The following ZNF544 variants were observed in gnomAD, a reference collection of about 807,000 sequenced individuals.
The protein encoded by ZNF544 is zinc finger protein AF020591.
Under a neutral mutation model 13.5 loss-of-function variants are expected in ZNF544, and 10 were observed. The ratio of observed to expected loss-of-function variants is 0.74; its 90% confidence interval spans 0.46 to 1.25. The LOEUF (loss-of-function observed/expected upper bound fraction) is 1.25, where lower values mean the gene tolerates loss of function less well. ZNF544 is among the 50% of genes most tolerant of loss of function. ZNF544 has a pLI of 0.00. For synonymous variants in ZNF544, 323 were observed against 300.5 expected (o/e 1.07, Z -0.77); for missense variants, 896 against 845.6 (o/e 1.06, Z -0.74).
rs144328660 is a variant in ZNF544, at chr19:58,232,449, C to T, written c.-60+1987C>T. On this transcript the variant is annotated intron_variant, in intron 3 of 6. Coordinates refer to ENST00000687789, the MANE Select transcript of ZNF544 (RefSeq NM_014480.4). The stretch of plus-strand genomic sequence containing the variant: ...TCACTGCAGCCTTGACCTCCCGGCT[C>T]AAGTGATCCTCCCACCTCAGCCTTC... Among the ~76,000 whole-genome samples, 920 of 147,314 alleles carry T rather than the reference C, an allele frequency of 6.2e-3. 3 individuals are homozygous for T. Among genetic ancestry groups the T allele is most frequent in the African/African-American group, 0.022 (870 of 39,876 alleles).
intron 6 of ZNF544, among the ~76,000 whole-genome samples, chr19:58,255,748 C>T (rs1198672862): frequency 6.6e-6 from 1 of 152,226 alleles, no homozygotes; most frequent in East Asian, 1.9e-4. Flanking sequence ...TGAGTTCGCC[C>T]TGGATGAGCT....
In ZNF544 at chr19:58,246,381, G is replaced by A. The variant is rs2045222258; in HGVS notation, c.114G>A (p.Leu38=). Residue 38 remains leucine (L), a synonymous_variant, in exon 5 of 7, where the codon CTG becomes CTA. Coordinates refer to ENST00000687789, the MANE Select transcript of ZNF544 (RefSeq NM_014480.4). ...WEQLDLAQRT[L]YREVTLETWE... ...AGCTGGACCTGGCCCAGAGGACACT[G>A]TACCGAGAGGTGACACTGGAGACCT... 1.2e-6 allele frequency: 2 copies of A among 1,614,136 alleles called. No homozygotes were observed. The highest frequency in any genetic ancestry group is 1.6e-4 in the Middle Eastern group (1 of 6,062).
downstream of ZNF544, among the ~76,000 whole-genome samples, chr19:58,268,429 G>C (rs2050209935): frequency 6.6e-6 from 1 of 152,188 alleles, no homozygotes; most frequent in Non-Finnish European, 1.5e-5. Flanking sequence ...GTGAGAAACA[G>C]AATGCTTGTT....
In ZNF544 at chr19:58,261,808, C is replaced by G. The variant is rs1416573401; in HGVS notation, c.1202C>G (p.Thr401Arg). The G allele has an allele frequency of 6.2e-7, 1 of 1,613,812 alleles. No homozygotes were observed. The highest frequency in any genetic ancestry group is 8.5e-7 in the Non-Finnish European group (1 of 1,179,964). ...QSYDLVIHQRTHTGEKPYECD... is the reference protein window; with the variant it reads ...QSYDLVIHQRRHTGEKPYECD... ...TATGACCTTGTCATACATCAGAGGA[C>G]ACACACTGGAGAGAAGCCCTATGAG... is the stretch of plus-strand genomic sequence containing the variant. Residue 401 changes from threonine to arginine, a missense_variant, in exon 7 of 7, where the codon ACA becomes AGA. Coordinates refer to ENST00000687789, the MANE Select transcript of ZNF544 (RefSeq NM_014480.4).
intron 6 of ZNF544, among the ~76,000 whole-genome samples, chr19:58,256,358 CTTAA>C (rs1467981604): frequency 6.6e-6 from 1 of 151,868 alleles, no homozygotes; most frequent in African/African-American, 2.4e-5. Flanking sequence ...ATTAAGAGTC[CTTAA>C]TTAAGCCGGC....
chr19:58,242,125 A>ATTC (rs1371527066), intron 3 of ZNF544: 2 of 581,104 alleles, frequency 3.4e-6, no homozygotes, highest in African/African-American at 4.1e-5. Context: ...GAGTTCTCAG[A>ATTC]AGAGATTGCC....
intron 5 of ZNF544, among the ~76,000 whole-genome samples, chr19:58,274,988 C>T (rs1315530480): frequency 6.6e-6 from 1 of 151,974 alleles, no homozygotes; most frequent in Non-Finnish European, 1.5e-5. Context: ...ACAGCCAAAA[C>T]CCTGGTCAGG....
intron 6 of ZNF544, among the ~76,000 whole-genome samples, chr19:58,252,966 C>T (rs1396751829): frequency 6.6e-6 from 1 of 152,146 alleles, no homozygotes; most frequent in Non-Finnish European, 1.5e-5. Context: ...ATTACAGGCA[C>T]GTGCCGCCAC....
At chr19:58,277,051 T>C in intron 6 of ZNF544, 1 of 479,686 alleles carries the variant, frequency 2.1e-6, no homozygotes, top group Non-Finnish European at 3.3e-6. Context: ...ATCAGTCTGA[T>C]TATGTGGCAT....
intron 6 of ZNF544, among the ~76,000 whole-genome samples, chr19:58,254,727 A>G (rs772316405): frequency 6.6e-6 from 1 of 152,206 alleles, no homozygotes; most frequent in Non-Finnish European, 1.5e-5. Flanking sequence ...AGTGTGATGT[A>G]TCTTCCTGCA....
intron 3 of ZNF544, among the ~76,000 whole-genome samples, chr19:58,232,895 C>T (rs1276890653): frequency 5.7e-5 from 8 of 139,582 alleles, no homozygotes; most frequent in South Asian, 4.5e-4. Flanking sequence ...TGCAGTGAGC[C>T]GAGATCGTGC....
intron 6 of ZNF544, among the ~76,000 whole-genome samples, chr19:58,256,311 C>T (rs1170656898): frequency 6.6e-6 from 1 of 151,196 alleles, no homozygotes; most frequent in African/African-American, 2.4e-5. Flanking sequence ...TCTTGTTGTA[C>T]CCAAGCGAGT....
Position 58,261,593 on chromosome 19 carries a change from G to A in ZNF544, c.987G>A (p.Glu329=), listed in dbSNP as rs1358443240. 4.3e-6 allele frequency: 7 copies of A among 1,614,064 alleles called. No homozygotes were observed. Among genetic ancestry groups the A allele is most frequent in the African/African-American group, 1.3e-5 (1 of 74,922 alleles). ...SGPGETPFRC[E]ERCAAFPMAS... is the part of the protein sequence containing the mutation. ...CTGGAGAGACCCCCTTCAGATGTGA[G>A]GAACGCTGTGCTGCCTTCCCCATGG... The change falls in exon 7 of 7, where the codon GAG becomes GAA. Residue 329 remains glutamate (E), a synonymous_variant. Coordinates refer to ENST00000687789, the MANE Select transcript of ZNF544 (RefSeq NM_014480.4).
At chr19:58,243,534 A>G (rs1005507488) in intron 3 of ZNF544, among the ~76,000 whole-genome samples, 1 of 150,520 alleles carries the variant, frequency 6.6e-6, no homozygotes, top group Admixed American at 6.6e-5. Flanking sequence ...CCTGTACAAC[A>G]CCCCCTCCCA....
intron 4 of ZNF544, among the ~76,000 whole-genome samples, chr19:58,245,314 T>C (rs1372226589): frequency 2.6e-5 from 4 of 151,000 alleles, no homozygotes; most frequent in Non-Finnish European, 4.4e-5. Flanking sequence ...TTTTTTTTTT[T>C]CTTTTGAGAT....
intron 3 of ZNF544, 81 bp from the exon 4 acceptor site, chr19:58,243,884 C>G: frequency 8.4e-7 from 1 of 1,192,336 alleles, no homozygotes; most frequent in Non-Finnish European, 1.1e-6. Context: ...TGTGGCCGGC[C>G]CCGCGTTCTC....
chr19:58,232,253 T>C (rs933567997), intron 3 of ZNF544, among the ~76,000 whole-genome samples: 3 of 151,456 alleles, frequency 2.0e-5, no homozygotes, highest in Non-Finnish European at 4.4e-5. Flanking sequence ...GGGATGAGCA[T>C]AGATCCATCA....
chr19:58,264,134 C>T (rs1010814322), downstream of ZNF544: 1 of 152,246 alleles, frequency 6.6e-6, no homozygotes, highest in African/African-American at 2.4e-5. Context: ...TGGCTCATGC[C>T]TGTAATCCCA....
At chr19:58,272,109 C>T (rs937474380) in intron 5 of ZNF544, among the ~76,000 whole-genome samples, 7 of 150,104 alleles carry the variant, frequency 4.7e-5, no homozygotes, top group African/African-American at 1.2e-4. Context: ...TGCAATGAGC[C>T]GAGATTGCCC....
Sources: allele counts gnomAD v4.1 joint callset (sites outside exome capture counted in the v4.1 genomes callset), GRCh38; gene constraint gnomAD v4.1.1; transcripts MANE v1.5; gene names NCBI Gene and HGNC (gene_info 2026-07-23, HGNC 2026-07-21).